Variants in MYBPC2 observed in about 807,000 individuals in gnomAD.
The protein encoded by MYBPC2 is myosin-binding protein C, fast-type.
Under a neutral mutation model 137.0 loss-of-function variants are expected in MYBPC2, and 122 were observed. The observed-to-expected ratio is 0.89, with a 90% CI of 0.77 to 1.03. The LOEUF (loss-of-function observed/expected upper bound fraction) is 1.03, where lower values mean the gene tolerates loss of function less well. Among genes scored for constraint, MYBPC2 ranks in the 50% least tolerant of loss-of-function variants. The pLI is 0.00. For missense variants in MYBPC2, 1,500 were observed against 1,534.4 expected (o/e 0.98, Z 0.37); for synonymous variants, 626 against 612.3 (o/e 1.02, Z -0.33).
At chr19:50,448,104 G>C (rs2039821886) in intron 12 of MYBPC2, 121 bp from the exon 13 acceptor site, 1 of 1,214,540 alleles carries the variant, frequency 8.2e-7, no homozygotes, top group Non-Finnish European at 1.1e-6. Context: ...GGTTGTTTCT[G>C]GGTTGTCTGT....
At chr19:50,453,208 C>A (rs2039876829) in intron 16 of MYBPC2, among the ~76,000 whole-genome samples, 1 of 152,212 alleles carries the variant, frequency 6.6e-6, no homozygotes, top group Non-Finnish European at 1.5e-5. Context: ...CCTGCATCAG[C>A]CTCCCAAAGT....
rs752682939 is a variant in MYBPC2 at position 50,432,913 on chromosome 19, G to T, written c.-41G>T. 6.9e-6 allele frequency: 11 copies of T among 1,601,008 alleles called. No individual in the cohort carries two copies. The highest frequency in any genetic ancestry group is 8.5e-6 in the Non-Finnish European group (10 of 1,176,434). On this transcript the variant is annotated 5_prime_UTR_variant, in exon 1 of 28. Coordinates refer to ENST00000357701, the MANE Select transcript of MYBPC2 (RefSeq NM_004533.4). This position sits in a 1 kb window ranked among gnomAD's most constrained non-coding sequence, Gnocchi z 5.5. ...ACCTGTCCTCCCTAGGGCCTAGCGG[G>T]ACGCGGCTGCGGTCAGAGGAGCAGG...
chr19:50,454,813 T>G (rs1189173827), intron 18 of MYBPC2, among the ~76,000 whole-genome samples: 1 of 152,100 alleles, frequency 6.6e-6, no homozygotes, highest in Non-Finnish European at 1.5e-5. Flanking sequence ...TCTCAATCCC[T>G]TTGGTCTTCC....
chr19:50,447,522 A>C (rs1568662417), intron 12 of MYBPC2, among the ~76,000 whole-genome samples: 5 of 152,076 alleles, frequency 3.3e-5, no homozygotes, highest in Admixed American at 3.3e-4. Flanking sequence ...TGAGTCCAGA[A>C]GTTCAAGGCC....
chr19:50,435,373 G>A lies in MYBPC2; in HGVS notation c.109+123G>A. 1.5e-6 allele frequency: 1 copy of A among 658,314 alleles called. No individual in the cohort carries two copies. The allele number at this position is 658,314 out of a possible 1,614,324, so 40.8% of individuals were successfully genotyped here. A position where few individuals can be genotyped will look rare whatever the true frequency, so the allele number is the denominator to read the frequency against. ...TCTGTCCCCGCACAGCCCCAGGGCT[G>A]ACCCACGCCTCCCGTGCTCCCAGCC... On this transcript the variant is annotated intron_variant, in intron 2 of 27. Transcript: ENST00000357701. This position sits in a 1 kb window ranked among gnomAD's most constrained non-coding sequence, Gnocchi z 4.8.
At chr19:50,458,487 T>G in intron 20 of MYBPC2, 100 bp from the exon 21 acceptor site, 1 of 1,420,180 alleles carries the variant, frequency 7.0e-7, no homozygotes, top group Non-Finnish European at 9.4e-7. Context: ...ACTTACTCAG[T>G]GCTCACTCGC....
At chr19:50,458,308 TAAA>T (rs375818984) in intron 20 of MYBPC2, among the ~76,000 whole-genome samples, 7 of 85,942 alleles carry the variant, frequency 8.1e-5, no homozygotes, top group Admixed American at 1.3e-4. Flanking sequence ...AGACTCCACC[TAAA>T]AAAAAAAAAA....
rs1181375940 is a variant in MYBPC2 at position 50,441,005 on chromosome 19, A to G, written c.698A>G (p.Tyr233Cys). Residue 233 changes from tyrosine (Y) to cysteine (C), a missense_variant, in exon 8 of 28, where the codon TAT becomes TGT. Tyr to Cys is a radical substitution (Grantham distance 194). Transcript: ENST00000357701. ...KSEYEKIAFQ[Y>C]GITDLRGMLK... Reference sequence around the variant, plus strand: ...GAGTACGAGAAAATCGCCTTCCAGTATGGCATCACCGACCTCCGGGGCATG... The same window carrying G: ...GAGTACGAGAAAATCGCCTTCCAGTGTGGCATCACCGACCTCCGGGGCATG... 2.5e-6 allele frequency: 4 copies of G among 1,612,422 alleles called. No individual in the cohort carries two copies. Among genetic ancestry groups the G allele is most frequent in the Non-Finnish European group, 8.5e-7 (1 of 1,179,158 alleles).
At chr19:50,442,364 G>C in intron 9 of MYBPC2, 51 bp downstream of exon 9, 4 of 1,584,222 alleles carry the variant, frequency 2.5e-6, no homozygotes, top group East Asian at 4.6e-5. Context: ...CGTCCAGAGA[G>C]AACGCCCGGA....
intron 11 of MYBPC2, among the ~76,000 whole-genome samples, chr19:50,444,222 TCATC>T (rs766978378): frequency 2.6e-4 from 37 of 142,698 alleles, no homozygotes; most frequent in African/African-American, 7.7e-4. Context: ...ATCCATCCAC[TCATC>T]CATCCATCCA....
chr19:50,436,285 C>A, intron 4 of MYBPC2, 125 bp downstream of exon 4: 1 of 1,408,400 alleles, frequency 7.1e-7, no homozygotes, highest in Non-Finnish European at 9.5e-7. Context: ...AGTGGGCCCT[C>A]TGAGGATGGA....
intron 18 of MYBPC2, 30 bp downstream of exon 18, chr19:50,454,399 C>T (rs1272863761): frequency 4.9e-6 from 7 of 1,438,494 alleles, no homozygotes; most frequent in African/African-American, 1.5e-5. Context: ...TGACCTCTGA[C>T]CTTCCCTCTT....
At position 50,454,042 on chromosome 19, in the gene MYBPC2, G is replaced by T; in HGVS notation, c.1772G>T (p.Arg591Met). 1 of 1,606,228 alleles carries T rather than the reference G, an allele frequency of 6.2e-7. No individual in the cohort carries two copies. Among genetic ancestry groups the T allele is most frequent in the Non-Finnish European group, 8.5e-7 (1 of 1,176,664 alleles). Residue 591 changes from arginine (R) to methionine (M), a missense_variant, in exon 17 of 28, where the codon AGG (arginine) becomes ATG (methionine). By Grantham distance (91) the Arg-to-Met change is moderately conservative. Transcript: ENST00000357701. Reference protein sequence around the residue: ...GDEVFTTTEGRTRIEKRVDCS... With the variant: ...GDEVFTTTEGMTRIEKRVDCS... ...CAGGTATTCACGACCACCGAGGGCA[G>T]GACCCGCATCGAGAAGCGGGTGGAC...
chr19:50,433,079 T>C (rs2039671559), intron 1 of MYBPC2, 107 bp downstream of exon 1: 44 of 1,369,070 alleles, frequency 3.2e-5, no homozygotes, highest in Non-Finnish European at 4.1e-5. Context: ...ACCTTCGCTG[T>C]GTGAGGAGGA....
Position 50,441,039 on chromosome 19 carries a change from G to A in MYBPC2, c.732G>A (p.Arg244=). The stretch of plus-strand genomic sequence containing the variant: ...CCGACCTCCGGGGCATGCTGAAGCG[G>A]CTGAAAAAGGCTAAGGTCGAGGTCA... ...GITDLRGMLK[R]LKKAKVEVKK... Residue 244 remains arginine, a synonymous_variant, in exon 8 of 28, where the codon CGG becomes CGA. Coordinates refer to ENST00000357701, the MANE Select transcript of MYBPC2 (RefSeq NM_004533.4). 1 of 1,605,084 alleles carries A rather than the reference G, an allele frequency of 6.2e-7. No individual in the cohort carries two copies. Among genetic ancestry groups the A allele is most frequent in the Non-Finnish European group, 8.5e-7 (1 of 1,175,958 alleles).
In MYBPC2 at chr19:50,443,712, AC is replaced by A. The variant is rs1214635919; in HGVS notation, c.1031del (p.Pro344LeufsTer4). 1 of 1,612,978 alleles carries A rather than the reference AC, an allele frequency of 6.2e-7. No individual in the cohort carries two copies. The highest frequency in any genetic ancestry group is 8.5e-7 in the Non-Finnish European group (1 of 1,179,288). ...ACCTCCTGTCCCCCTGCCCCACAGAACCTCCAGTCCTAATTGTCACACCTCT... is the reference window on the plus strand; with the variant it reads ...ACCTCCTGTCCCCCTGCCCCACAGAACTCCAGTCCTAATTGTCACACCTCT... ...KCFTELFVKEPPVLIVTPLED... is the reference protein window; with the variant it reads ...KCFTELFVKEXPVLIVTPLED... On this transcript the variant is annotated frameshift_variant and splice_region_variant, in exon 11 of 28. Coordinates refer to ENST00000357701, the MANE Select transcript of MYBPC2 (RefSeq NM_004533.4). LOFTEE classifies it high-confidence loss of function.
Position 50,440,945 on chromosome 19 carries a change from A to G in MYBPC2, c.638A>G (p.Glu213Gly). 6.2e-7 allele frequency: 1 copy of G among 1,613,778 alleles called. No homozygotes were observed. Among genetic ancestry groups the G allele is most frequent in the South Asian group, 1.1e-5 (1 of 91,044 alleles). The part of the protein sequence containing the change: ...KDDDDLGIPP[E>G]IWELLKGAKK... ...GACGATGACCTAGGCATCCCCCCGG[A>G]GATTTGGGAGCTCCTGAAAGGGGCA... Residue 213 changes from glutamate (E) to glycine (G), a missense_variant, in exon 8 of 28, where the codon GAG becomes GGG. By Grantham distance (98) the Glu-to-Gly change is moderately conservative (BLOSUM62 -2). Transcript: ENST00000357701.
rs1223678704 is a variant in MYBPC2, at chr19:50,455,574, G to C, written c.2268G>C (p.Lys756Asn). ...EDVTDTTTTL[K>N]WRPPNRIGAG... The stretch of plus-strand genomic sequence containing the variant: ...TGACAGACACCACCACCACACTCAA[G>C]TGGAGGCCTCCGAACAGGATCGGGG... Residue 756 changes from lysine (K) to asparagine (N), a missense_variant, in exon 20 of 28, where the codon AAG (lysine) becomes AAC (asparagine). Transcript: ENST00000357701. 1 of 1,614,028 alleles carries C rather than the reference G, an allele frequency of 6.2e-7. No individual in the cohort carries two copies.
chr19:50,464,616 G>A (rs1334024554), intron 27 of MYBPC2, 84 bp downstream of exon 27: 8 of 1,412,344 alleles, frequency 5.7e-6, no homozygotes, highest in East Asian at 4.9e-5. Flanking sequence ...GCTGAGCACC[G>A]CTGAGATCTG....
Sources: allele counts gnomAD v4.1 joint callset (sites outside exome capture counted in the v4.1 genomes callset), GRCh38; gene constraint gnomAD v4.1.1; non-coding constraint Gnocchi (gnomAD v3.1); transcripts MANE v1.5; gene names NCBI Gene and HGNC (gene_info 2026-07-23, HGNC 2026-07-21).